The following FNIP2 variants were observed in gnomAD, a reference collection of about 807,000 sequenced individuals.
FNIP2 encodes the protein folliculin-interacting protein 2.
A neutral mutation model predicts 108.7 loss-of-function variants in FNIP2; 32 were observed. That is an observed-to-expected ratio of 0.29 (90% CI 0.22 to 0.40). The LOEUF is 0.40. Ranked by LOEUF, FNIP2 falls within the 10% of genes least tolerant of loss-of-function variation. The probability of loss-of-function intolerance (pLI) is 1.00; values close to 1 mark genes in which losing one functional copy is unlikely to be tolerated. For missense variants in FNIP2, 1,202 were observed against 1,381.6 expected (o/e 0.87, Z 2.06); for synonymous variants, 480 against 496.7 (o/e 0.97, Z 0.45).
chr4:158,852,076 T>C (rs925858204), intron 8 of FNIP2, among the ~76,000 whole-genome samples: 18 of 152,224 alleles, frequency 1.2e-4, no homozygotes, highest in Admixed American at 1.0e-3. Flanking sequence ...ATTAACTGAT[T>C]TAGTAAATTG....
intron 15 of FNIP2, among the ~76,000 whole-genome samples, chr4:158,894,710 C>T (rs1291365213): frequency 3.3e-5 from 5 of 152,118 alleles, no homozygotes; most frequent in Admixed American, 3.3e-4. Flanking sequence ...CTTTTACCAC[C>T]TTGTTTACTT....
At chr4:158,837,913 G>C (rs1010180160) in intron 7 of FNIP2, among the ~76,000 whole-genome samples, 5 of 152,210 alleles carry the variant, frequency 3.3e-5, no homozygotes, top group Non-Finnish European at 7.3e-5. Context: ...TGCTCTCCCT[G>C]CTATCCTGGT....
intron 1 of FNIP2, among the ~76,000 whole-genome samples, chr4:158,769,523 C>G (rs1009905925): frequency 6.6e-6 from 1 of 152,234 alleles, no homozygotes; most frequent in Non-Finnish European, 1.5e-5. Context: ...CCCGCTCTTT[C>G]TCCACAACTC....
chr4:158,869,523 G>A, intron 13 of FNIP2, 95 bp downstream of exon 13: 2 of 1,403,362 alleles, frequency 1.4e-6, no homozygotes, highest in Non-Finnish European at 1.9e-6. Context: ...ACTATTGTCT[G>A]CTTTACACAC....
At chr4:158,798,470 T>A (rs893279826) in intron 1 of FNIP2, among the ~76,000 whole-genome samples, 1 of 152,216 alleles carries the variant, frequency 6.6e-6, no homozygotes, top group African/African-American at 2.4e-5. Flanking sequence ...ACCCTTCCCC[T>A]GCTTCATCTT....
At chr4:158,870,614 T>A in intron 14 of FNIP2, 145 bp downstream of exon 14, 1 of 1,032,408 alleles carries the variant, frequency 9.7e-7, no homozygotes, top group Non-Finnish European at 1.4e-6. Flanking sequence ...CAGCTAGGGC[T>A]AGTGAGGCAC....
intron 1 of FNIP2, among the ~76,000 whole-genome samples, chr4:158,776,244 G>A (rs1302010796): frequency 1.3e-5 from 2 of 152,184 alleles, no homozygotes; most frequent in Non-Finnish European, 2.9e-5. Flanking sequence ...GGGGACCTCA[G>A]CCTGATTCCC....
At chr4:158,808,525 T>C (rs1393366475) in intron 1 of FNIP2, 1 of 152,226 alleles carries the variant, frequency 6.6e-6, no homozygotes. Flanking sequence ...CCTCATCTGC[T>C]TTCTCTTCTC....
intron 14 of FNIP2, chr4:158,890,111 T>C (rs1233374400): frequency 1.0e-6 from 1 of 985,248 alleles, no homozygotes; most frequent in Middle Eastern, 5.2e-4. Context: ...AACTGGGCTT[T>C]ATGAATTCAA....
intron 16 of FNIP2, among the ~76,000 whole-genome samples, chr4:158,897,194 G>T (rs1782772537): frequency 6.6e-6 from 1 of 152,176 alleles, no homozygotes; most frequent in Non-Finnish European, 1.5e-5. Flanking sequence ...TGGTTGCATA[G>T]TATTCCATGG....
intron 1 of FNIP2, among the ~76,000 whole-genome samples, chr4:158,799,042 G>T (rs1171602804): frequency 6.6e-6 from 1 of 152,224 alleles, no homozygotes; most frequent in Non-Finnish European, 1.5e-5. Context: ...TGAGACATAG[G>T]TGTGTAGTTG....
intron 1 of FNIP2, among the ~76,000 whole-genome samples, chr4:158,785,232 G>A (rs1013194755): frequency 9.2e-5 from 14 of 151,646 alleles, no homozygotes; most frequent in South Asian, 2.1e-4. Flanking sequence ...CTACAAGCAC[G>A]TGCCACCATG....
intron 1 of FNIP2, among the ~76,000 whole-genome samples, chr4:158,789,037 C>T (rs1776313608): frequency 6.6e-6 from 1 of 152,286 alleles, no homozygotes; most frequent in Non-Finnish European, 1.5e-5. Context: ...TGGTTAGGTC[C>T]TGGCAGTGGT....
chr4:158,802,591 G>A (rs77174074), intron 1 of FNIP2, among the ~76,000 whole-genome samples: 1 of 152,262 alleles, frequency 6.6e-6, no homozygotes, highest in East Asian at 1.9e-4. Flanking sequence ...TGAAGAATGT[G>A]AAGTCAAGGA....
chr4:158,905,406 G>A lies in FNIP2; in HGVS notation c.*862G>A, dbSNP rs1421463805. The A allele has an allele frequency of 4.6e-5, 7 of 152,078 alleles. No individual in the cohort carries two copies. The highest frequency in any genetic ancestry group is 2.6e-4 in the Admixed American group (4 of 15,256). 9.4% of individuals were successfully genotyped at this position (152,078 alleles called of 1,614,324 possible). A position where few individuals can be genotyped will look rare whatever the true frequency, so the allele number is the denominator to read the frequency against. ...ATTTCTATAAGCTCAAGAGTGTTTC[G>A]GTTGGTAAGTTCTTCCAGCTGAAGC... On this transcript the variant is annotated 3_prime_UTR_variant, in exon 17 of 17. Coordinates refer to ENST00000264433, the MANE Select transcript of FNIP2 (RefSeq NM_020840.3).
chr4:158,813,137 C>T (rs765056781), intron 1 of FNIP2, among the ~76,000 whole-genome samples: 2 of 152,104 alleles, frequency 1.3e-5, no homozygotes, highest in Non-Finnish European at 2.9e-5. Context: ...ATGTCTTGGT[C>T]GCTTCTATGT....
chr4:158,824,107 T>G (rs1369280322), intron 1 of FNIP2, among the ~76,000 whole-genome samples: 1 of 152,190 alleles, frequency 6.6e-6, no homozygotes, highest in Non-Finnish European at 1.5e-5. Flanking sequence ...AATGCACAAT[T>G]TGTGATTGAG....
intron 1 of FNIP2, among the ~76,000 whole-genome samples, chr4:158,772,529 G>A (rs1302269801): frequency 6.6e-6 from 1 of 152,178 alleles, no homozygotes; most frequent in Non-Finnish European, 1.5e-5. Flanking sequence ...AAATGAAGTA[G>A]GGAAGCATAT....
At chr4:158,901,986 T>C (rs1404942678) in intron 16 of FNIP2, among the ~76,000 whole-genome samples, 2 of 152,106 alleles carry the variant, frequency 1.3e-5, no homozygotes, top group Non-Finnish European at 2.9e-5. Flanking sequence ...AGCCTACTTC[T>C]GTCAATTCAT....
Sources: allele counts gnomAD v4.1 joint callset (sites outside exome capture counted in the v4.1 genomes callset), GRCh38; gene constraint gnomAD v4.1.1; transcripts MANE v1.5; gene names NCBI Gene and HGNC (gene_info 2026-07-23, HGNC 2026-07-21).